The following ZBTB40 variants were observed in gnomAD, a reference collection of about 807,000 sequenced individuals.
ZBTB40 encodes the protein zinc finger and BTB domain-containing protein 40.
A neutral mutation model predicts 117.5 loss-of-function variants in ZBTB40; 60 were observed. That is an observed-to-expected ratio of 0.51 (90% CI 0.41 to 0.63). The LOEUF (loss-of-function observed/expected upper bound fraction) is 0.63, where lower values mean the gene tolerates loss of function less well. ZBTB40 is among the 30% of genes least tolerant of loss of function. The pLI, the probability that ZBTB40 is intolerant of heterozygous loss-of-function variation, is 0.00. For missense variants in ZBTB40, 1,287 were observed against 1,498.5 expected, an observed-to-expected ratio of 0.86 and a Z score of 2.33; for synonymous variants, 525 against 577.1, an observed-to-expected ratio of 0.91 and a Z score of 1.29.
At chr1:22,526,116 C>A in intron 17 of ZBTB40, 86 bp from the exon 18 acceptor site, 2 of 1,487,890 alleles carry the variant, frequency 1.3e-6, no homozygotes, top group Non-Finnish European at 1.9e-6. Context: ...TAAATATCAT[C>A]ATTACAGCAT....
chr1:22,451,084 A>G (rs942237457), upstream of ZBTB40, among the ~76,000 whole-genome samples: 2 of 152,222 alleles, frequency 1.3e-5, no homozygotes, highest in African/African-American at 4.8e-5. Flanking sequence ...TGAGCAAAAG[A>G]AAAGCTAGGA....
chr1:22,436,041 T>C (rs1465505737), intron 1 of ZBTB40, among the ~76,000 whole-genome samples: 2 of 152,056 alleles, frequency 1.3e-5, no homozygotes, highest in South Asian at 2.1e-4. Flanking sequence ...ACTAGAACTC[T>C]TGCATATTGA....
chr1:22,503,602 T>C (rs1252101216), intron 5 of ZBTB40, among the ~76,000 whole-genome samples: 1 of 136,700 alleles, frequency 7.3e-6, no homozygotes, highest in African/African-American at 2.6e-5. Context: ...ATGTTGCACA[T>C]GTGCGCACGC....
chr1:22,433,158 G>A (rs1468659667), intron 1 of ZBTB40, among the ~76,000 whole-genome samples: 1 of 151,978 alleles, frequency 6.6e-6, no homozygotes, highest in African/African-American at 2.4e-5. Flanking sequence ...GCTAGGCCGG[G>A]TGTGGTGGCT....
At chr1:22,514,671 C>T (rs1051277641) in intron 12 of ZBTB40, among the ~76,000 whole-genome samples, 4 of 152,240 alleles carry the variant, frequency 2.6e-5, no homozygotes, top group African/African-American at 7.2e-5. Context: ...GCACCCCACC[C>T]CTGGTTTCCA....
chr1:22,463,425 C>T (rs956696267), intron 1 of ZBTB40, among the ~76,000 whole-genome samples: 15 of 152,178 alleles, frequency 9.9e-5, no homozygotes, highest in African/African-American at 3.1e-4. Context: ...ACTTAGTTAT[C>T]GTCCGTGTTT....
At chr1:22,464,426 C>T (rs1336413906) in intron 1 of ZBTB40, among the ~76,000 whole-genome samples, 1 of 152,198 alleles carries the variant, frequency 6.6e-6, no homozygotes, top group Non-Finnish European at 1.5e-5. Flanking sequence ...TGGGTTCAAA[C>T]CCTACCCTAG....
At chr1:22,498,782 A>G (rs893922400) in intron 3 of ZBTB40, among the ~76,000 whole-genome samples, 1 of 76,368 alleles carries the variant, frequency 1.3e-5, no homozygotes, top group African/African-American at 9.4e-5. Flanking sequence ...GGAGAGTTTC[A>G]GGTGGAAAAA....
chr1:22,441,416 C>T (rs1048869532), intron 1 of ZBTB40, among the ~76,000 whole-genome samples: 14 of 149,844 alleles, frequency 9.3e-5, no homozygotes, highest in African/African-American at 3.4e-4. Context: ...TTATTTTTTC[C>T]TATTGTTTTT....
intron 1 of ZBTB40, among the ~76,000 whole-genome samples, chr1:22,476,072 A>C (rs1641542586): frequency 6.6e-6 from 1 of 152,190 alleles, no homozygotes; most frequent in Non-Finnish European, 1.5e-5. Context: ...CACTTTATTG[A>C]TTTAAGCAAC....
chr1:22,476,507 A>G (rs1219891530), intron 1 of ZBTB40, among the ~76,000 whole-genome samples: 1 of 152,234 alleles, frequency 6.6e-6, no homozygotes, highest in Admixed American at 6.5e-5. Flanking sequence ...GGCGTGAGCC[A>G]CCACGCCCAG....
intron 5 of ZBTB40, among the ~76,000 whole-genome samples, chr1:22,505,553 C>T (rs1392308571): frequency 3.3e-5 from 5 of 152,206 alleles, no homozygotes; most frequent in African/African-American, 1.2e-4. Context: ...ACTAATTATA[C>T]AAATTATCTG....
Position 22,524,347 on chromosome 1 carries a change from T to C in ZBTB40, c.3428T>C (p.Leu1143Pro). Residue 1143 changes from leucine to proline, a missense_variant, in exon 17 of 18, where the codon CTC becomes CCC. Physicochemically the swap from Leu to Pro is moderately conservative, Grantham distance 98. Around this residue, in one of 2 missense-constraint regions of ZBTB40, gnomAD observed 417 missense variants for 564.1 expected, o/e 0.74. Transcript: ENST00000375647. Reference protein sequence around the residue: ...TTFPCELCGELFTSQAQLDSH... With the variant: ...TTFPCELCGEPFTSQAQLDSH... ...TTCCCCTGTGAGCTCTGTGGGGAAC[T>C]CTTCACCTCCCAGGCCCAGCTTGAC... is the stretch of plus-strand genomic sequence containing the variant. The C allele has an allele frequency of 6.2e-7, 1 of 1,614,164 alleles. No individual in the cohort carries two copies. The highest frequency in any genetic ancestry group is 8.5e-7 in the Non-Finnish European group (1 of 1,180,044).
intron 12 of ZBTB40, among the ~76,000 whole-genome samples, chr1:22,515,584 C>A (rs926603908): frequency 5.9e-5 from 9 of 152,282 alleles, no homozygotes; most frequent in Middle Eastern, 6.8e-3. Flanking sequence ...CACATCACCC[C>A]AACCTCTGCC....
intron 1 of ZBTB40, among the ~76,000 whole-genome samples, chr1:22,466,004 C>G (rs1458397918): frequency 1.3e-5 from 2 of 152,196 alleles, no homozygotes; most frequent in African/African-American, 2.4e-5. Context: ...TGAAACCCCC[C>G]CTGTACCTGT....
At chr1:22,508,280 G>T (rs113992449) in intron 7 of ZBTB40, 143 bp downstream of exon 7, 1 of 1,100,258 alleles carries the variant, frequency 9.1e-7, no homozygotes, top group South Asian at 1.4e-5. Flanking sequence ...GAAATAGAAG[G>T]TATCTCAGTT....
At chr1:22,473,638 G>T (rs1641467647) in intron 1 of ZBTB40, among the ~76,000 whole-genome samples, 2 of 152,220 alleles carry the variant, frequency 1.3e-5, no homozygotes, top group South Asian at 4.1e-4. Flanking sequence ...GAAAAACATG[G>T]TCTCCTGAGC....
intron 1 of ZBTB40, among the ~76,000 whole-genome samples, chr1:22,437,621 G>A (rs1640686508): frequency 6.6e-6 from 1 of 151,530 alleles, no homozygotes; most frequent in African/African-American, 2.4e-5. Flanking sequence ...GGTTTTACCC[G>A]ATTTGTCAGG....
chr1:22,481,359 A>G (rs530898836), intron 1 of ZBTB40, among the ~76,000 whole-genome samples: 87 of 152,232 alleles, frequency 5.7e-4, no homozygotes, highest in Middle Eastern at 3.4e-3. Flanking sequence ...CCACCCTTGA[A>G]TGTTTTAGGC....
Sources: allele counts gnomAD v4.1 joint callset (sites outside exome capture counted in the v4.1 genomes callset), GRCh38; gene constraint gnomAD v4.1.1; regional missense constraint gnomAD v4.1.1; transcripts MANE v1.5; gene names NCBI Gene and HGNC (gene_info 2026-07-23, HGNC 2026-07-21).